The following NBEA variants were observed in gnomAD, a reference collection of about 807,000 sequenced individuals.
NBEA encodes neurobeachin.
NBEA carries 44 observed loss-of-function variants against 343.4 expected under a neutral mutation model. The observed-to-expected ratio is 0.13, with a 90% CI of 0.10 to 0.16. The LOEUF (loss-of-function observed/expected upper bound fraction) is 0.16, where lower values mean the gene tolerates loss of function less well. Among genes scored for constraint, NBEA ranks in the 10% least tolerant of loss-of-function variants. NBEA has a pLI of 1.00. For missense variants in NBEA, 2,555 were observed against 3,631.3 expected (o/e 0.70, Z 7.62); for synonymous variants, 1,175 against 1,238.7 (o/e 0.95, Z 1.08).
intron 36 of NBEA, among the ~76,000 whole-genome samples, chr13:35,325,193 C>A (rs536084159): frequency 3.7e-4 from 56 of 151,858 alleles, no homozygotes; most frequent in African/African-American, 1.3e-3. Context: ...TCAAAACAAT[C>A]GATTATACCA....
chr13:35,553,252 CTG>C (rs1333063937), intron 43 of NBEA, among the ~76,000 whole-genome samples: 1 of 152,102 alleles, frequency 6.6e-6, no homozygotes, highest in Non-Finnish European at 1.5e-5. Flanking sequence ...TTTGGTCTCT[CTG>C]TAATTCATAA....
At chr13:35,319,101 T>C (rs951824437) in intron 36 of NBEA, among the ~76,000 whole-genome samples, 1 of 152,192 alleles carries the variant, frequency 6.6e-6, no homozygotes, top group Non-Finnish European at 1.5e-5. Flanking sequence ...CTCTATCTCC[T>C]ACAGTTCTGC....
chr13:35,210,988 G>C, intron 32 of NBEA, 65 bp from the exon 33 acceptor site: 1 of 1,460,118 alleles, frequency 6.8e-7, no homozygotes, highest in Admixed American at 2.2e-5. Context: ...AGATAGTAAT[G>C]GTGTAATTAA....
At chr13:35,546,836 A>G (rs1594938770) in intron 41 of NBEA, among the ~76,000 whole-genome samples, 1 of 152,294 alleles carries the variant, frequency 6.6e-6, no homozygotes, top group Middle Eastern at 3.4e-3. Context: ...TACAGGCGTG[A>G]GCCACCGCTC....
At chr13:35,249,874 A>G (rs2031746667) in intron 34 of NBEA, among the ~76,000 whole-genome samples, 1 of 152,202 alleles carries the variant, frequency 6.6e-6, no homozygotes, top group African/African-American at 2.4e-5. Flanking sequence ...TAGTATATAC[A>G]TACAATGGAA....
intron 17 of NBEA, among the ~76,000 whole-genome samples, chr13:35,137,994 A>G (rs573815316): frequency 7.2e-5 from 11 of 152,248 alleles, no homozygotes; most frequent in Admixed American, 4.6e-4. Context: ...TTGACAAAGG[A>G]ATAATTTTCC....
chr13:35,110,443 AT>A (rs2066144336), intron 12 of NBEA, among the ~76,000 whole-genome samples: 1 of 152,130 alleles, frequency 6.6e-6, no homozygotes, highest in African/African-American at 2.4e-5. Flanking sequence ...CTGATGTTCT[AT>A]TGCTATGAAG....
At chr13:35,335,617 CTT>C (rs2039205029) in intron 36 of NBEA, among the ~76,000 whole-genome samples, 1 of 151,998 alleles carries the variant, frequency 6.6e-6, no homozygotes, top group Admixed American at 6.6e-5. Flanking sequence ...GTATTTTAGA[CTT>C]ATGATGGTTT....
At chr13:35,323,971 A>G (rs555800557) in intron 36 of NBEA, among the ~76,000 whole-genome samples, 35 of 152,328 alleles carry the variant, frequency 2.3e-4, no homozygotes, top group Admixed American at 2.1e-3. Flanking sequence ...AAAGCCAGTC[A>G]AGATGTACAT....
At chr13:35,315,554 T>C (rs1323701836) in intron 36 of NBEA, among the ~76,000 whole-genome samples, 1 of 152,180 alleles carries the variant, frequency 6.6e-6, no homozygotes, top group East Asian at 1.9e-4. Flanking sequence ...TCTTTTTAAA[T>C]AAATTAATCA....
intron 49 of NBEA, among the ~76,000 whole-genome samples, chr13:35,638,170 GT>G (rs1194849647): frequency 6.6e-6 from 1 of 152,172 alleles, no homozygotes; most frequent in East Asian, 1.9e-4. Context: ...GATGAAAAGA[GT>G]TCTGGAGATT....
intron 35 of NBEA, among the ~76,000 whole-genome samples, chr13:35,291,873 A>C (rs1422579122): frequency 6.6e-6 from 1 of 151,934 alleles, no homozygotes; most frequent in Non-Finnish European, 1.5e-5. Flanking sequence ...TAAGCTCTCT[A>C]TGCAGTGCAC....
intron 1 of NBEA, among the ~76,000 whole-genome samples, chr13:34,946,301 G>T (rs558554308): frequency 6.6e-6 from 1 of 152,020 alleles, no homozygotes; most frequent in African/African-American, 2.4e-5. Flanking sequence ...TAAAACTGGC[G>T]TACTACCTAA....
In NBEA at chr13:35,062,707, GA is replaced by G. The variant is rs949937652; in HGVS notation, c.1239+3852del. ...AAAATCCTTAAAGTTCTGAAAGGAAGAAAAAAAATCTGTCAACCTAGAATTT... is the reference window on the plus strand; with the variant it reads ...AAAATCCTTAAAGTTCTGAAAGGAAGAAAAAAATCTGTCAACCTAGAATTT... On this transcript the variant is annotated intron_variant, in intron 8 of 58. Transcript: ENST00000379939. Among the ~76,000 whole-genome samples the G allele has an allele frequency of 3.3e-5, 5 of 151,476 alleles. No homozygotes were observed. In the South Asian group the frequency reaches 6.2e-4, roughly 19 times the overall value.
Position 35,110,711 on chromosome 13 carries a change from C to T in NBEA, c.1834-99C>T, listed in dbSNP as rs943654799. 3.3e-6 allele frequency: 3 copies of T among 903,196 alleles called. No individual in the cohort carries two copies. In the African/African-American group the frequency reaches 5.1e-5, roughly 15 times the overall value. The allele number at this position is 903,196 out of a possible 1,614,324, so 55.9% of individuals were successfully genotyped here. A position where few individuals can be genotyped will look rare whatever the true frequency, so the allele number is the denominator to read the frequency against. On this transcript the variant is annotated intron_variant, in intron 12 of 58. Transcript: ENST00000379939. ...TCATAATAAATGGTCATTTCTTGGTCTTTACTAATTCACATTTAAATTAAA... is the reference window on the plus strand; with the variant it reads ...TCATAATAAATGGTCATTTCTTGGTTTTTACTAATTCACATTTAAATTAAA...
chr13:35,314,126 A>G (rs909058234), intron 36 of NBEA, among the ~76,000 whole-genome samples: 9 of 152,278 alleles, frequency 5.9e-5, no homozygotes, highest in African/African-American at 2.2e-4. Context: ...CAGAATTCAG[A>G]AGAGATTTCA....
At chr13:35,506,074 A>G (rs1292819536) in intron 41 of NBEA, among the ~76,000 whole-genome samples, 5 of 151,800 alleles carry the variant, frequency 3.3e-5, no homozygotes, top group Admixed American at 2.0e-4. Flanking sequence ...TATTTATTTT[A>G]TTTTTTGAGA....
At chr13:35,224,477 T>C (rs937129504) in intron 33 of NBEA, among the ~76,000 whole-genome samples, 7 of 152,186 alleles carry the variant, frequency 4.6e-5, no homozygotes, top group African/African-American at 1.7e-4. Flanking sequence ...TTTGTTTTAA[T>C]ATGTCTATAT....
intron 34 of NBEA, among the ~76,000 whole-genome samples, chr13:35,284,692 G>C (rs185839267): frequency 2.6e-5 from 4 of 152,196 alleles, no homozygotes; most frequent in Admixed American, 2.0e-4. Context: ...GAATTAGAAA[G>C]CCACATGAAT....
Sources: gnomAD v4.1 joint callset for allele counts (sites outside exome capture counted in the v4.1 genomes callset) on GRCh38, gnomAD v4.1.1 for gene constraint, MANE v1.5 for transcripts, NCBI Gene and HGNC (gene_info 2026-07-23, HGNC 2026-07-21) for gene names.